MATN2: variants seen among roughly 807,000 people sequenced by gnomAD.
The protein encoded by MATN2 is matrilin 2.
A neutral mutation model predicts 103.2 loss-of-function variants in MATN2; 69 were observed. That is an observed-to-expected ratio of 0.67 (90% CI 0.55 to 0.82). The LOEUF (loss-of-function observed/expected upper bound fraction) is 0.82. MATN2 is among the 40% of genes least tolerant of loss of function. MATN2 has a pLI of 0.00. For synonymous variants in MATN2, 429 were observed against 450.2 expected (o/e 0.95, Z 0.60); for missense variants, 1,023 against 1,211.5 (o/e 0.84, Z 2.31).
chr8:97,937,583 C>CTTTTTTTTTTTTTTTTTTTTTTTTTTTT (rs376203275), intron 3 of MATN2, among the ~76,000 whole-genome samples: 1 of 89,814 alleles, frequency 1.1e-5, no homozygotes, highest in Non-Finnish European at 2.0e-5. Flanking sequence ...TCCCCACTAA[C>CTTTTTTTTTTTTTTTTTTTTTTTTTTTT]TTTTTTTTTT....
intron 5 of MATN2, among the ~76,000 whole-genome samples, chr8:97,966,219 G>A (rs1811473957): frequency 6.6e-6 from 1 of 151,976 alleles, no homozygotes; most frequent in African/African-American, 2.4e-5. Flanking sequence ...CCATGGCTGT[G>A]AGAGTGATGG....
chr8:97,916,545 C>T (rs1809635770), intron 2 of MATN2, among the ~76,000 whole-genome samples: 1 of 152,200 alleles, frequency 6.6e-6, no homozygotes, highest in Non-Finnish European at 1.5e-5. Context: ...CTCCCACCCT[C>T]TGATGGGCCC....
chr8:97,971,161 G>T (rs1394632632), intron 5 of MATN2, among the ~76,000 whole-genome samples: 1 of 152,154 alleles, frequency 6.6e-6, no homozygotes, highest in African/African-American at 2.4e-5. Context: ...TACTGTCAGA[G>T]AGTCCTGACG....
At chr8:98,026,089 G>GA (rs1563734076) in intron 13 of MATN2, among the ~76,000 whole-genome samples, 1 of 145,186 alleles carries the variant, frequency 6.9e-6, no homozygotes, top group Non-Finnish European at 1.5e-5. Flanking sequence ...TGAGGCAGGA[G>GA]AATCACTTGA....
At chr8:97,956,572 G>T (rs11994234) in intron 4 of MATN2, among the ~76,000 whole-genome samples, 3 of 152,144 alleles carry the variant, frequency 2.0e-5, no homozygotes, top group African/African-American at 2.4e-5. Flanking sequence ...TGACACGGAG[G>T]AGGTGGTTAC....
chr8:98,018,173 G>A (rs746081865), intron 12 of MATN2, 57 bp downstream of exon 12: 24 of 1,604,388 alleles, frequency 1.5e-5, no homozygotes, highest in Non-Finnish European at 1.9e-5. Context: ...GACAGTTAGA[G>A]AAGTTCATTT....
intron 2 of MATN2, among the ~76,000 whole-genome samples, chr8:97,914,991 G>GT (rs1445393623): frequency 6.6e-6 from 1 of 151,912 alleles, no homozygotes; most frequent in East Asian, 1.9e-4. Flanking sequence ...TTGTTGCTTT[G>GT]TTTTTTGTTT....
intron 5 of MATN2, among the ~76,000 whole-genome samples, chr8:97,965,544 T>A (rs1811451500): frequency 6.6e-6 from 1 of 152,146 alleles, no homozygotes; most frequent in Non-Finnish European, 1.5e-5. Context: ...AAGTCAAAAG[T>A]GACTCTAGGC....
chr8:97,994,755 T>C (rs1401010631), intron 7 of MATN2, among the ~76,000 whole-genome samples, 153 bp downstream of exon 7: 2 of 152,208 alleles, frequency 1.3e-5, no homozygotes, highest in Admixed American at 1.3e-4. Flanking sequence ...TTTGGCTCAC[T>C]AGATCCTATT....
rs1812924815 is a variant in MATN2, at chr8:98,005,131, G to C, written c.1327+1348G>C. 6.6e-6 allele frequency among the ~76,000 whole-genome samples: 1 copy of C among 152,242 alleles called. No homozygotes were observed. ...CAGGGAAGTTTCCCAGATGAAATAA[G>C]AGGTCCAGGGCAGTCCTCAGGAAAG... On this transcript the variant is annotated intron_variant, in intron 8 of 18. Coordinates refer to ENST00000254898, the MANE Select transcript of MATN2 (RefSeq NM_002380.5). The surrounding 1 kb of genome is among the most constrained non-coding windows in gnomAD (Gnocchi z 4.6).
At chr8:97,923,242 T>A (rs1005814135) in intron 2 of MATN2, among the ~76,000 whole-genome samples, 1 of 152,176 alleles carries the variant, frequency 6.6e-6, no homozygotes, top group Non-Finnish European at 1.5e-5. Flanking sequence ...CCAGTGTCCC[T>A]TTGAAACTGT....
At position 98,003,530 on chromosome 8, in the gene MATN2, C is replaced by T. The variant is rs539630518; in HGVS notation, c.1205-131C>T. On this transcript the variant is annotated intron_variant, in intron 7 of 18. Transcript: ENST00000254898. ...CTGGCAGACAAACGAATGAATGATCCGTCCCGGCTTGCCTCAGCAGGCAGC... is the reference window on the plus strand; with the variant it reads ...CTGGCAGACAAACGAATGAATGATCTGTCCCGGCTTGCCTCAGCAGGCAGC... 19 of 907,312 alleles carry T rather than the reference C, an allele frequency of 2.1e-5. No individual in the cohort carries two copies. In the Middle Eastern group the frequency reaches 2.2e-3, roughly 105 times the overall value. The allele number at this position is 907,312 out of a possible 1,614,324, so 56.2% of individuals were successfully genotyped here. A position where few individuals can be genotyped will look rare whatever the true frequency, so the allele number is the denominator to read the frequency against.
chr8:97,987,553 G>A (rs1812235476), intron 6 of MATN2, among the ~76,000 whole-genome samples: 1 of 152,044 alleles, frequency 6.6e-6, no homozygotes. Context: ...TTTAATACCT[G>A]TTCTTCATAA....
At chr8:97,968,206 A>AT (rs202079266) in intron 5 of MATN2, among the ~76,000 whole-genome samples, 1 of 151,804 alleles carries the variant, frequency 6.6e-6, no homozygotes, top group South Asian at 2.1e-4. Context: ...CCCCCAAATC[A>AT]TTTTTTTCCC....
chr8:97,892,162 G>T (rs888141724), intron 2 of MATN2, among the ~76,000 whole-genome samples: 3 of 150,496 alleles, frequency 2.0e-5, no homozygotes, highest in East Asian at 2.0e-4. Flanking sequence ...ACTTGAACCC[G>T]GGAGGCGGAG....
At chr8:97,925,769 C>A (rs1175515032) in intron 2 of MATN2, among the ~76,000 whole-genome samples, 1 of 152,170 alleles carries the variant, frequency 6.6e-6, no homozygotes, top group Admixed American at 6.5e-5. Context: ...TCATAGGACT[C>A]TAATACTGTT....
chr8:97,982,773 A>G lies in MATN2; in HGVS notation c.1081+3765A>G, dbSNP rs1812069808. Among the ~76,000 whole-genome samples, 1 of 152,250 alleles carries G rather than the reference A, an allele frequency of 6.6e-6. No homozygotes were observed. Among genetic ancestry groups the G allele is most frequent in the Non-Finnish European group, 1.5e-5 (1 of 68,036 alleles). The stretch of plus-strand genomic sequence containing the variant: ...AGAAAGGTGGAAACACACAGGTACC[A>G]TCAGTTTGCAAAAAGTTAGCAAGAC... On this transcript the variant is annotated intron_variant, in intron 6 of 18. Transcript: ENST00000254898. This position sits in a 1 kb window ranked among gnomAD's most constrained non-coding sequence, Gnocchi z 4.3.
At chr8:98,023,104 T>G (rs980065647) in intron 13 of MATN2, among the ~76,000 whole-genome samples, 2 of 151,030 alleles carry the variant, frequency 1.3e-5, no homozygotes, top group African/African-American at 4.9e-5. Context: ...AATAAATAAA[T>G]AAAATAAATA....
intron 14 of MATN2, among the ~76,000 whole-genome samples, chr8:98,030,158 T>C (rs1813958750): frequency 6.6e-6 from 1 of 152,222 alleles, no homozygotes; most frequent in South Asian, 2.1e-4. Flanking sequence ...CTCATTTCTA[T>C]GAATCCAGAA....
Sources: gnomAD v4.1 joint callset for allele counts (sites outside exome capture counted in the v4.1 genomes callset) on GRCh38, gnomAD v4.1.1 for gene constraint, Gnocchi (gnomAD v3.1) non-coding constraint, MANE v1.5 for transcripts, NCBI Gene and HGNC (gene_info 2026-07-23, HGNC 2026-07-21) for gene names.